The following ATP7B variants were observed in gnomAD, a reference collection of about 807,000 sequenced individuals.
ATP7B encodes the protein ATPase copper transporting beta.
In ATP7B, 113 loss-of-function variants were observed where a neutral mutation model predicts 118.9. The observed-to-expected ratio is 0.95, with a 90% CI of 0.82 to 1.11. The LOEUF is 1.11. Ranked by LOEUF, ATP7B falls within the 50% of genes most tolerant of loss-of-function variation. The pLI, the probability that ATP7B is intolerant of heterozygous loss-of-function variation, is 0.00. For synonymous variants in ATP7B, 777 were observed against 727.4 expected (o/e 1.07, Z -1.10); for missense variants, 1,867 against 1,871.4 (o/e 1.00, Z 0.04).
chr13:51,940,970 G>C (rs557685119), intron 16 of ATP7B, 111 bp downstream of exon 16: 956 of 1,496,466 alleles, frequency 6.4e-4, no homozygotes, highest in Non-Finnish European at 8.3e-4. Flanking sequence ...AATTAAGAGA[G>C]GAAGGCTTTT....
At chr13:52,009,576 T>C (rs769315991) in intron 1 of ATP7B, among the ~76,000 whole-genome samples, 16 of 152,224 alleles carry the variant, frequency 1.1e-4, no homozygotes, top group Non-Finnish European at 1.9e-4. Context: ...TGAGATCTTA[T>C]GTTGTAAGAC....
rs1431633756 is a variant in ATP7B at position 51,935,002 on chromosome 13, A to G, written c.4152T>C (p.Tyr1384=). ...TCATGTGGCCATGCGCCTGTGCCTC[A>G]TACCTCTCCAGGTCAGGCTTCTTAT... is the stretch of plus-strand genomic sequence containing the variant. ...KCYKKPDLER[Y]EAQAHGHMKP... is the part of the protein sequence containing the mutation. Residue 1384 remains tyrosine (Y), a synonymous_variant, in exon 21 of 21, where the codon TAT becomes TAC. Coordinates refer to ENST00000242839, the MANE Select transcript of ATP7B (RefSeq NM_000053.4). The G allele has an allele frequency of 1.2e-6, 2 of 1,613,910 alleles. No individual in the cohort carries two copies. The highest frequency in any genetic ancestry group is 1.7e-6 in the Non-Finnish European group (2 of 1,180,024).
chr13:51,956,430 A>C (rs942463), intron 9 of ATP7B, among the ~76,000 whole-genome samples: 84,789 of 152,142 alleles, frequency 0.56, 23,779 homozygotes, highest in Middle Eastern at 0.63. Context: ...ACGCCTCTGA[A>C]AATGGGAGTG....
At chr13:51,998,882 G>C (rs778640646) in intron 1 of ATP7B, among the ~76,000 whole-genome samples, 1 of 152,194 alleles carries the variant, frequency 6.6e-6, no homozygotes, top group Non-Finnish European at 1.5e-5. Context: ...GCTCAGTCCA[G>C]CTAGAGGCTC....
chr13:52,006,748 TCTTTCC>T (rs1953790966), intron 1 of ATP7B, among the ~76,000 whole-genome samples: 1 of 152,182 alleles, frequency 6.6e-6, no homozygotes, highest in South Asian at 2.1e-4. Context: ...CCTAAATGCC[TCTTTCC>T]ATTTCCAGTC....
chr13:51,987,696 T>C (rs944406374), intron 1 of ATP7B, among the ~76,000 whole-genome samples: 4 of 152,214 alleles, frequency 2.6e-5, no homozygotes, highest in Admixed American at 2.6e-4. Flanking sequence ...AACAGCATGG[T>C]ACTGGTACCA....
In ATP7B at chr13:51,934,734, C is replaced by T. The variant is rs1213060519; in HGVS notation, c.*22G>A. The T allele has an allele frequency of 5.6e-6, 9 of 1,611,662 alleles. No individual in the cohort carries two copies. The African/African-American group carries it at 1.1e-4, about 19-fold the overall frequency. ...TGGTGAGTGGAGGCAAGTCCCTGCC[C>T]CGGCCCGCCTGCCTGAAGTCATCAG... On this transcript the variant is annotated 3_prime_UTR_variant, in exon 21 of 21. Transcript: ENST00000242839.
intron 12 of ATP7B, among the ~76,000 whole-genome samples, chr13:51,946,789 C>T (rs1216279154): frequency 5.3e-5 from 8 of 152,080 alleles, no homozygotes; most frequent in Admixed American, 5.2e-4. Flanking sequence ...CTGGTTTCCT[C>T]ATACACAAAA....
chr13:51,945,401 G>A lies in ATP7B; in HGVS notation c.3060+883C>T, dbSNP rs145803626. Among the ~76,000 whole-genome samples, 754 of 152,220 alleles carry A rather than the reference G, an allele frequency of 5.0e-3. 4 individuals carry two copies. Among genetic ancestry groups the A allele is most frequent in the Non-Finnish European group, 5.7e-3 (388 of 68,012 alleles). The stretch of plus-strand genomic sequence containing the variant: ...TCAGGTTAGATGCTGGGGATACCGC[G>A]GGGAGGGGAAGTTCCACCTCCACAG... On this transcript the variant is annotated intron_variant, in intron 13 of 20. Transcript: ENST00000242839.
At chr13:51,992,176 C>A (rs1952949769) in intron 1 of ATP7B, among the ~76,000 whole-genome samples, 1 of 151,730 alleles carries the variant, frequency 6.6e-6, no homozygotes, top group Non-Finnish European at 1.5e-5. Flanking sequence ...AACAAATCTG[C>A]TAGGCATAAA....
intron 1 of ATP7B, among the ~76,000 whole-genome samples, chr13:51,982,916 C>G (rs1005369533): frequency 6.6e-6 from 1 of 152,200 alleles, no homozygotes; most frequent in African/African-American, 2.4e-5. Flanking sequence ...CTTCACAACC[C>G]ACAGACCAGG....
At chr13:52,006,019 A>AGCATGAGCGATCTGT (rs1953752059) in intron 1 of ATP7B, among the ~76,000 whole-genome samples, 1 of 152,262 alleles carries the variant, frequency 6.6e-6, no homozygotes, top group Non-Finnish European at 1.5e-5. Flanking sequence ...AACCACAAAC[A>AGCATGAGCGATCTGT]GCATGAGCGA....
intron 20 of ATP7B, 84 bp downstream of exon 20, chr13:51,935,509 G>A: frequency 7.2e-7 from 1 of 1,391,986 alleles, no homozygotes; most frequent in Non-Finnish European, 1.0e-6. Flanking sequence ...TGGGAAATGA[G>A]AGGCAAGTTC....
At chr13:51,950,846 G>A (rs746114909) in intron 9 of ATP7B, among the ~76,000 whole-genome samples, 4 of 152,034 alleles carry the variant, frequency 2.6e-5, no homozygotes, top group Non-Finnish European at 5.9e-5. Flanking sequence ...GGAAGTTCAC[G>A]GAGAGAAAAC....
rs781757171 is a variant in ATP7B at position 52,011,272 on chromosome 13, G to C, written c.51+15C>G. 6.2e-7 allele frequency: 1 copy of C among 1,614,196 alleles called. No homozygotes were observed. The highest frequency in any genetic ancestry group is 2.2e-5 in the East Asian group (1 of 44,884). On this transcript the variant is annotated intron_variant, in intron 1 of 20. Transcript: ENST00000242839. Reference sequence around the variant, plus strand: ...GAGTGAGCACGCTGCGCGGACGCGGGGGAACAAAACTCACTTTCCGACTGG... The same window carrying C: ...GAGTGAGCACGCTGCGCGGACGCGGCGGAACAAAACTCACTTTCCGACTGG...
intron 9 of ATP7B, among the ~76,000 whole-genome samples, chr13:51,952,448 TCTTA>T (rs1455711610): frequency 2.6e-5 from 4 of 152,234 alleles, no homozygotes; most frequent in Non-Finnish European, 5.9e-5. Context: ...ACAAAAGCCA[TCTTA>T]CTTACTTGAG....
Position 51,949,764 on chromosome 13 carries a change from A to T in ATP7B, c.2763T>A (p.Ser921Arg), listed in dbSNP as rs1052485948. Residue 921 changes from serine to arginine, a missense_variant, in exon 12 of 21, where the codon AGT (serine) becomes AGA (arginine). Transcript: ENST00000242839. ...APIQQLADRF[S>R]GYFVPFIIIM... is the part of the protein sequence containing the mutation. ...TGATGATAAATGGGACAAAATATCC[A>T]CTAAACCGGTCAGCCAGCTGCTGAA... The T allele has an allele frequency of 1.9e-6, 3 of 1,614,114 alleles. No individual in the cohort carries two copies. The highest frequency in any genetic ancestry group is 2.5e-6 in the Non-Finnish European group (3 of 1,180,022).
At chr13:51,970,347 C>T (rs1204484085) in intron 3 of ATP7B, 145 bp downstream of exon 3, 5 of 1,153,254 alleles carry the variant, frequency 4.3e-6, no homozygotes, top group African/African-American at 3.1e-5. Context: ...TATACAAGGA[C>T]ATTAGACAAA....
chr13:51,946,475 G>A lies in ATP7B; in HGVS notation c.2869C>T (p.Pro957Ser), dbSNP rs759416152. 5.6e-6 allele frequency: 9 copies of A among 1,614,048 alleles called. No homozygotes were observed. Among genetic ancestry groups the A allele is most frequent in the South Asian group, 1.1e-5 (1 of 91,070 alleles). The change falls in exon 13 of 21, where the codon CCC (proline) becomes TCC (serine). Residue 957 changes from proline (P) to serine (S), a missense_variant. Coordinates refer to ENST00000242839, the MANE Select transcript of ATP7B (RefSeq NM_000053.4). ...FGVVQRYFPNPNKHISQTEVI... is the reference protein window; with the variant it reads ...FGVVQRYFPNSNKHISQTEVI... Reference sequence around the variant, plus strand: ...TCTGTCTGGGAGATGTGCTTGTTGGGGTTCTGAAAACAGGACAGAGTCAGA... The same window carrying A: ...TCTGTCTGGGAGATGTGCTTGTTGGAGTTCTGAAAACAGGACAGAGTCAGA...
Sources: gnomAD v4.1 joint callset for allele counts (sites outside exome capture counted in the v4.1 genomes callset) on GRCh38, gnomAD v4.1.1 for gene constraint, MANE v1.5 for transcripts, NCBI Gene and HGNC (gene_info 2026-07-23, HGNC 2026-07-21) for gene names.